GRIA3: variants seen among roughly 807,000 people sequenced by gnomAD.
The protein encoded by GRIA3 is glutamate receptor 3.
A neutral mutation model predicts 63.0 loss-of-function variants in GRIA3; 3 were observed. The ratio of observed to expected loss-of-function variants is 0.05; its 90% CI spans 0.02 to 0.12. The LOEUF (loss-of-function observed/expected upper bound fraction) is 0.12, where lower values mean the gene tolerates loss of function less well. Ranked by LOEUF, GRIA3 falls within the 10% of genes least tolerant of loss-of-function variation. The pLI, the probability that GRIA3 is intolerant of heterozygous loss-of-function variation, is 1.00. For missense variants in GRIA3, 347 were observed against 700.9 expected (o/e 0.50, Z 5.70); for synonymous variants, 274 against 257.9 (o/e 1.06, Z -0.60).
intron 6 of GRIA3, 116 bp from the exon 7 acceptor site, chrX:123,398,520 A>G (rs778857830): frequency 1.8e-4 from 102 of 570,091 alleles, no homozygotes; most frequent in Non-Finnish European, 2.6e-4. Flanking sequence ...TCTTAAATAA[A>G]TAGGGGGGTG....
In GRIA3 at chrX:123,428,043, G is replaced by A. The variant is rs988146631; in HGVS notation, c.1980G>A (p.Arg660=). ...TCGCTGCTTTCCTGACTGTGGAGAGGATGGTTTCTCCCATAGAGAGTGCTG... is the reference window on the plus strand; with the variant it reads ...TCGCTGCTTTCCTGACTGTGGAGAGAATGGTTTCTCCCATAGAGAGTGCTG... The part of the protein sequence containing the change: ...ANLAAFLTVE[R]MVSPIESAED... Residue 660 remains arginine (R), a synonymous_variant, in exon 12 of 16, where the codon AGG becomes AGA. Coordinates refer to ENST00000620443, the MANE Select transcript of GRIA3 (RefSeq NM_007325.5). 1 of 1,193,600 alleles carries A rather than the reference G, an allele frequency of 8.4e-7. No individual in the cohort carries two copies. Among genetic ancestry groups the A allele is most frequent in the Admixed American group, 2.2e-5 (1 of 45,945 alleles).
At chrX:123,406,785 A>T (rs765063469) in intron 10 of GRIA3, among the ~76,000 whole-genome samples, 1 of 111,650 alleles carries the variant, frequency 9.0e-6, no homozygotes, top group East Asian at 2.8e-4. Context: ...TTCCAACACC[A>T]GTGCAGAGAG....
At chrX:123,344,102 G>A (rs1229788199) in intron 4 of GRIA3, among the ~76,000 whole-genome samples, 1 of 112,046 alleles carries the variant, frequency 8.9e-6, no homozygotes, top group African/African-American at 3.2e-5. Flanking sequence ...AGAACTGGTC[G>A]ATCTGACTCC....
chrX:123,266,880 C>A (rs2044491943), intron 3 of GRIA3, among the ~76,000 whole-genome samples: 1 of 110,148 alleles, frequency 9.1e-6, no homozygotes, highest in Non-Finnish European at 1.9e-5. Context: ...CCATTCCCCC[C>A]ATACACACAC....
intron 2 of GRIA3, among the ~76,000 whole-genome samples, chrX:123,242,432 A>T (rs1336692334): frequency 8.9e-6 from 1 of 111,945 alleles, no homozygotes; most frequent in Non-Finnish European, 1.9e-5. Context: ...CAGCTTTAAA[A>T]ATTGTTTCAT....
chrX:123,242,390 A>G (rs2044334806), intron 2 of GRIA3, among the ~76,000 whole-genome samples: 1 of 112,001 alleles, frequency 8.9e-6, no homozygotes, highest in Non-Finnish European at 1.9e-5. Flanking sequence ...GGCTGATCCA[A>G]AGACATCATA....
At chrX:123,186,067 T>C (rs1165960525) in intron 2 of GRIA3, 77 bp downstream of exon 2, 19 of 810,868 alleles carry the variant, frequency 2.3e-5, no homozygotes, top group Middle Eastern at 2.8e-4. Flanking sequence ...TTAGGGTCTG[T>C]GTATGTGCTG....
At chrX:123,416,650 A>G (rs2045537985) in intron 10 of GRIA3, among the ~76,000 whole-genome samples, 1 of 113,172 alleles carries the variant, frequency 8.8e-6, no homozygotes, top group Non-Finnish European at 1.9e-5. Context: ...CACTGATATT[A>G]TCACTAGAAA....
At chrX:123,456,955 T>G (rs2147424297) in intron 12 of GRIA3, among the ~76,000 whole-genome samples, 1 of 111,001 alleles carries the variant, frequency 9.0e-6, no homozygotes, top group African/African-American at 3.3e-5. Context: ...CAGAGGACGC[T>G]AAATAATTCA....
intron 3 of GRIA3, among the ~76,000 whole-genome samples, chrX:123,316,955 G>T (rs184061828): frequency 1.2e-3 from 132 of 111,820 alleles, no homozygotes; most frequent in African/African-American, 4.0e-3. Context: ...TCATGCTGCT[G>T]ATAAAGACAT....
intron 8 of GRIA3, 93 bp downstream of exon 8, chrX:123,403,191 A>G: frequency 1.6e-6 from 1 of 617,146 alleles, no homozygotes; most frequent in Non-Finnish European, 2.8e-6. Context: ...TTTACAAAAT[A>G]TCAGTAAGGA....
chrX:123,429,824 C>G (rs1028976843), intron 12 of GRIA3, among the ~76,000 whole-genome samples: 1 of 112,322 alleles, frequency 8.9e-6, no homozygotes, highest in Non-Finnish European at 1.9e-5. Context: ...ACTTGTTCCA[C>G]TGGAAAGCAT....
chrX:123,294,173 C>T (rs2044672266), intron 3 of GRIA3, among the ~76,000 whole-genome samples: 1 of 110,555 alleles, frequency 9.0e-6, no homozygotes, highest in African/African-American at 3.3e-5. Context: ...ATTATTATCC[C>T]TATTTTGAAG....
chrX:123,448,214 TGTAAA>T (rs1258275423), intron 12 of GRIA3, among the ~76,000 whole-genome samples: 1 of 112,479 alleles, frequency 8.9e-6, no homozygotes, highest in East Asian at 2.8e-4. Flanking sequence ...TTAGGATAAA[TGTAAA>T]GGAAACAGTT....
At chrX:123,252,921 CA>C (rs1242223133) in intron 2 of GRIA3, among the ~76,000 whole-genome samples, 2 of 111,656 alleles carry the variant, frequency 1.8e-5, no homozygotes, top group African/African-American at 6.5e-5. Context: ...AAGGGTGGTA[CA>C]AAAAACAGTT....
At chrX:123,348,556 G>A (rs188324586) in intron 4 of GRIA3, among the ~76,000 whole-genome samples, 148 of 111,609 alleles carry the variant, frequency 1.3e-3, no homozygotes, top group African/African-American at 4.7e-3. Context: ...CTCTAGATAA[G>A]GTACTCCAAG....
chrX:123,393,980 C>G (rs1207854814), intron 5 of GRIA3, among the ~76,000 whole-genome samples: 1 of 112,301 alleles, frequency 8.9e-6, no homozygotes, highest in Non-Finnish European at 1.9e-5. Flanking sequence ...TGGAGATACT[C>G]CTTTCACAAG....
chrX:123,413,201 T>C (rs906619474), intron 10 of GRIA3, among the ~76,000 whole-genome samples: 1 of 110,977 alleles, frequency 9.0e-6, no homozygotes, highest in Non-Finnish European at 1.9e-5. Context: ...GTCAAGATTC[T>C]CAAACTCCTT....
At chrX:123,239,416 TA>T (rs2044318248) in intron 2 of GRIA3, among the ~76,000 whole-genome samples, 2 of 110,320 alleles carry the variant, frequency 1.8e-5, no homozygotes, top group Admixed American at 1.9e-4. Context: ...ATTTGTAATT[TA>T]ATAGGGAATT....
Sources: allele counts gnomAD v4.1 joint callset (sites outside exome capture counted in the v4.1 genomes callset), GRCh38; gene constraint gnomAD v4.1.1; transcripts MANE v1.5; gene names NCBI Gene and HGNC (gene_info 2026-07-23, HGNC 2026-07-21).